The following PLCG2 variants were observed in gnomAD, a reference collection of about 807,000 sequenced individuals.
PLCG2 encodes the protein phospholipase C gamma 2.
A neutral mutation model predicts 175.6 loss-of-function variants in PLCG2; 69 were observed. The ratio of observed to expected loss-of-function variants is 0.39; its 90% confidence interval spans 0.32 to 0.48. The LOEUF (loss-of-function observed/expected upper bound fraction) is 0.48, where lower values mean the gene tolerates loss of function less well. Among genes scored for constraint, PLCG2 ranks in the 20% least tolerant of loss-of-function variants. The probability of loss-of-function intolerance (pLI) is 0.91; values close to 1 mark genes in which losing one functional copy is unlikely to be tolerated. For synonymous variants in PLCG2, 827 were observed against 624.0 expected, an observed-to-expected ratio of 1.33 and a Z score of -4.85; for missense variants, 1,798 against 1,650.9, an observed-to-expected ratio of 1.09 and a Z score of -1.54.
chr16:81,740,747 A>C (rs1475679618), intron 1 of PLCG2, among the ~76,000 whole-genome samples: 11 of 139,256 alleles, frequency 7.9e-5, no homozygotes, highest in Admixed American at 4.3e-4. Context: ...AAAAAAAAAA[A>C]AAAAAAAAAA....
At chr16:81,804,279 G>C (rs1412324692) in intron 2 of PLCG2, among the ~76,000 whole-genome samples, 1 of 152,172 alleles carries the variant, frequency 6.6e-6, no homozygotes, top group African/African-American at 2.4e-5. Context: ...TTGTGGTTCT[G>C]ATTTGCATTT....
At chr16:81,790,606 G>A (rs577472243) in intron 2 of PLCG2, among the ~76,000 whole-genome samples, 2 of 152,286 alleles carry the variant, frequency 1.3e-5, no homozygotes, top group African/African-American at 4.8e-5. Context: ...GGTCTGCAGG[G>A]GCAGGTGCAC....
rs144992361 is a variant in PLCG2 at position 81,795,404 on chromosome 16, A to T, written c.193+9222A>T. On this transcript the variant is annotated intron_variant, in intron 2 of 32. Transcript: ENST00000564138. ...TGGGGAGAGCATTCTGGCATAGGGC[A>T]TAGCAACAAAGCTTTCCTATTAGTG... Among the ~76,000 whole-genome samples the T allele has an allele frequency of 1.3e-4, 20 of 152,342 alleles. No individual in the cohort carries two copies. The East Asian group carries it at 3.1e-3, about 24-fold the overall frequency.
intron 2 of PLCG2, among the ~76,000 whole-genome samples, chr16:81,801,941 A>G (rs1567471284): frequency 6.6e-6 from 1 of 151,890 alleles, no homozygotes; most frequent in Non-Finnish European, 1.5e-5. Flanking sequence ...TCAGCCTCCC[A>G]AAGTGTTGGG....
intron 2 of PLCG2, among the ~76,000 whole-genome samples, chr16:81,839,791 C>A (rs984381178): frequency 1.7e-4 from 26 of 152,290 alleles, no homozygotes; most frequent in African/African-American, 6.3e-4. Context: ...TGGCTCATGC[C>A]TGTAATCCCA....
At chr16:81,892,167 T>C (rs1415893348) in intron 11 of PLCG2, among the ~76,000 whole-genome samples, 1 of 152,214 alleles carries the variant, frequency 6.6e-6, no homozygotes, top group Non-Finnish European at 1.5e-5. Flanking sequence ...GAGAGGAGTC[T>C]GCTAAGGCTG....
At chr16:81,781,940 C>T (rs1339439996) in intron 1 of PLCG2, among the ~76,000 whole-genome samples, 1 of 150,908 alleles carries the variant, frequency 6.6e-6, no homozygotes, top group Non-Finnish European at 1.5e-5. Context: ...GGCGCGATCT[C>T]GGCTCACTGC....
intron 7 of PLCG2, among the ~76,000 whole-genome samples, chr16:81,874,287 A>G (rs546602248): frequency 1.7e-4 from 26 of 152,318 alleles, no homozygotes; most frequent in Admixed American, 1.6e-3. Flanking sequence ...CCAGCCCCAT[A>G]CAGCTCTGTC....
rs867313284 is a variant in PLCG2 at position 81,956,866 on chromosome 16, A to C, written c.3742A>C (p.Lys1248Gln). ...GAACCAGCTCCAGCTGTACCAGGAG[A>C]AATGCAACAAGAGGTAGGTCAGCCC... ...NENQLQLYQE[K>Q]CNKRLREKRV... is the part of the protein sequence containing the mutation. The change falls in exon 32 of 33, where the codon AAA becomes CAA. Residue 1248 changes from lysine to glutamine, a missense_variant. By Grantham distance (53) the Lys-to-Gln change is moderately conservative (BLOSUM62 1). Coordinates refer to ENST00000564138, the MANE Select transcript of PLCG2 (RefSeq NM_002661.5). 1.9e-5 allele frequency: 30 copies of C among 1,613,338 alleles called. No individual in the cohort carries two copies. The highest frequency in any genetic ancestry group is 2.4e-5 in the Non-Finnish European group (28 of 1,179,574).
At chr16:81,810,938 G>A (rs1293713914) in intron 2 of PLCG2, among the ~76,000 whole-genome samples, 2 of 152,188 alleles carry the variant, frequency 1.3e-5, no homozygotes, top group Admixed American at 6.5e-5. Flanking sequence ...GAGGCACCAA[G>A]GGAGGTTATG....
intron 2 of PLCG2, among the ~76,000 whole-genome samples, chr16:81,835,103 T>A (rs1350483113): frequency 6.6e-6 from 1 of 152,142 alleles, no homozygotes; most frequent in African/African-American, 2.4e-5. Flanking sequence ...TGGTTTGGTG[T>A]CAGCTCTGTT....
At chr16:81,884,043 C>G (rs531296358) in intron 9 of PLCG2, among the ~76,000 whole-genome samples, 2 of 152,200 alleles carry the variant, frequency 1.3e-5, no homozygotes, top group Admixed American at 1.3e-4. Context: ...GCAGCCCCCC[C>G]TACCCCCCAG....
chr16:81,810,278 C>T (rs1034988683), intron 2 of PLCG2, among the ~76,000 whole-genome samples: 16 of 152,216 alleles, frequency 1.1e-4, no homozygotes, highest in South Asian at 2.1e-4. Context: ...AGCCACCGTG[C>T]CCAGCCCATG....
At chr16:81,938,321 A>G (rs1236309701) in intron 28 of PLCG2, among the ~76,000 whole-genome samples, 1 of 152,156 alleles carries the variant, frequency 6.6e-6, no homozygotes, top group African/African-American at 2.4e-5. Context: ...GTTGCTTTGT[A>G]AGAATTTTTG....
chr16:81,932,413 G>C (rs971702037), intron 25 of PLCG2, among the ~76,000 whole-genome samples: 1 of 152,202 alleles, frequency 6.6e-6, no homozygotes, highest in Non-Finnish European at 1.5e-5. Context: ...TTCGATGATG[G>C]AGTAAGGGCT....
At chr16:81,908,270 C>T (rs994082258) in intron 16 of PLCG2, 146 bp from the exon 17 acceptor site, 16 of 690,440 alleles carry the variant, frequency 2.3e-5, no homozygotes, top group Non-Finnish European at 3.6e-5. Flanking sequence ...TGCTGTTTTC[C>T]CATACCCCTT....
chr16:81,892,344 G>A (rs1276841655), intron 11 of PLCG2, among the ~76,000 whole-genome samples: 4 of 152,228 alleles, frequency 2.6e-5, no homozygotes, highest in African/African-American at 2.4e-5. Flanking sequence ...GATTGCAACA[G>A]AAGGAGGATA....
At chr16:81,837,812 A>T (rs74710389) in intron 2 of PLCG2, among the ~76,000 whole-genome samples, 2 of 151,960 alleles carry the variant, frequency 1.3e-5, no homozygotes, top group Non-Finnish European at 2.9e-5. Context: ...ACGTTACCCA[A>T]TTATCCCCAA....
intron 5 of PLCG2, among the ~76,000 whole-genome samples, chr16:81,866,455 A>G (rs58472307): frequency 0.012 from 549 of 44,542 alleles, 46 homozygotes; most frequent in African/African-American, 0.033. Context: ...AGAGGACGCT[A>G]GCCTCTCCCT....
Sources: gnomAD v4.1 joint callset for allele counts (sites outside exome capture counted in the v4.1 genomes callset) on GRCh38, gnomAD v4.1.1 for gene constraint, MANE v1.5 for transcripts, NCBI Gene and HGNC (gene_info 2026-07-23, HGNC 2026-07-21) for gene names.